The following SSBP3 variants were observed in gnomAD, a reference collection of about 807,000 sequenced individuals.
SSBP3 encodes the protein single stranded DNA binding protein 3, also known as single-stranded DNA-binding protein 3.
Under a neutral mutation model 69.6 loss-of-function variants are expected in SSBP3, and 5 were observed. The observed-to-expected ratio is 0.07, with a 90% CI of 0.04 to 0.15. SSBP3 has a LOEUF of 0.15. Ranked by LOEUF, SSBP3 falls within the 10% of genes least tolerant of loss-of-function variation. SSBP3 has a pLI of 1.00. For synonymous variants in SSBP3, 196 were observed against 193.4 expected (o/e 1.01, Z -0.11); for missense variants, 312 against 534.0 (o/e 0.58, Z 4.10).
Position 54,263,124 on chromosome 1 carries a change from C to T in SSBP3, c.367-4975G>A, listed in dbSNP as rs564609346. On this transcript the variant is annotated intron_variant, in intron 5 of 17. Transcript: ENST00000610401. Reference sequence around the variant, plus strand: ...GGGTGTGATCGAGGCAAACACTGGGCCACTTCACGAAAACTCCGAAGTGTG... The same window carrying T: ...GGGTGTGATCGAGGCAAACACTGGGTCACTTCACGAAAACTCCGAAGTGTG... Among the ~76,000 whole-genome samples, 36 of 152,316 alleles carry T rather than the reference C, an allele frequency of 2.4e-4. 1 individual carries two copies. The South Asian group carries it at 5.0e-3, about 21-fold the overall frequency.
chr1:54,233,920 G>A (rs1239910794), intron 14 of SSBP3, among the ~76,000 whole-genome samples: 1 of 152,226 alleles, frequency 6.6e-6, no homozygotes, highest in Non-Finnish European at 1.5e-5. Context: ...CGGGAAAGGT[G>A]GGGAAAAGAT....
rs547320093 is a variant in SSBP3 at position 54,405,001 on chromosome 1, T to C, written c.57-71A>G. 9.1e-4 allele frequency: 1,263 copies of C among 1,391,360 alleles called. 2 individuals carry two copies. The highest frequency in any genetic ancestry group is 1.2e-3 in the Non-Finnish European group (1,188 of 989,130). The allele number at this position is 1,391,360 out of a possible 1,614,324, so 86.2% of individuals were successfully genotyped here. A position where few individuals can be genotyped will look rare whatever the true frequency, so the allele number is the denominator to read the frequency against. On this transcript the variant is annotated intron_variant, in intron 1 of 17. Coordinates refer to ENST00000610401, the Ensembl canonical transcript of SSBP3. ...ATCCCACCGGCGCTCTCCAGGACCTTGCCAGCAGGCTTTGAGCCCTGTCTG... is the reference window on the plus strand; with the variant it reads ...ATCCCACCGGCGCTCTCCAGGACCTCGCCAGCAGGCTTTGAGCCCTGTCTG...
chr1:54,229,674 G>A lies in SSBP3; in HGVS notation c.928-848C>T, dbSNP rs183733826. Among the ~76,000 whole-genome samples the A allele has an allele frequency of 3.1e-3, 474 of 152,332 alleles. 2 individuals carry two copies. The highest frequency in any genetic ancestry group is 5.9e-3 in the Non-Finnish European group (403 of 68,026). On this transcript the variant is annotated intron_variant, in intron 14 of 17. Coordinates refer to ENST00000610401, the Ensembl canonical transcript of SSBP3. ...GTCACATCCCACAGCCACGAGTCAC[G>A]GGGCTGGGGAGGGGCGGCTGAGCCC... is the stretch of plus-strand genomic sequence containing the variant.
intron 4 of SSBP3, among the ~76,000 whole-genome samples, chr1:54,295,648 T>A (rs1645691097): frequency 6.6e-6 from 1 of 152,132 alleles, no homozygotes; most frequent in South Asian, 2.1e-4. Flanking sequence ...CAAGAGATTT[T>A]AAAAAAACAA....
chr1:54,230,946 G>C (rs955504683), intron 14 of SSBP3, among the ~76,000 whole-genome samples: 1 of 152,114 alleles, frequency 6.6e-6, no homozygotes, highest in Non-Finnish European at 1.5e-5. Context: ...TTCACTGTCT[G>C]ACTATTATGA....
intron 5 of SSBP3, among the ~76,000 whole-genome samples, chr1:54,273,238 C>T (rs577415368): frequency 9.2e-5 from 14 of 152,344 alleles, no homozygotes; most frequent in Admixed American, 2.6e-4. Context: ...GTGAGAGTTA[C>T]GGCGCTACAT....
chr1:54,300,590 T>C lies in SSBP3; in HGVS notation c.277-19063A>G, dbSNP rs905654905. ...AGGATCCCAAAGAAAGGAAGGATTA[T>C]TTCTGCCGGAGGGTGGGGCTTCACA... On this transcript the variant is annotated intron_variant, in intron 4 of 17. Transcript: ENST00000610401. Among the ~76,000 whole-genome samples the C allele has an allele frequency of 3.9e-5, 6 of 152,270 alleles. No individual in the cohort carries two copies. The East Asian group carries it at 1.2e-3, about 29-fold the overall frequency.
At chr1:54,352,459 G>T (rs944658656) in intron 4 of SSBP3, among the ~76,000 whole-genome samples, 3 of 152,100 alleles carry the variant, frequency 2.0e-5, no homozygotes, top group Non-Finnish European at 4.4e-5. Context: ...TGTCAGAAAC[G>T]GTCCCCACTG....
chr1:54,390,980 T>G (rs527405015), intron 4 of SSBP3, among the ~76,000 whole-genome samples: 1 of 152,364 alleles, frequency 6.6e-6, no homozygotes, highest in African/African-American at 2.4e-5. Flanking sequence ...CAGCACCGGC[T>G]GGATGGCCAA....
chr1:54,247,231 G>A (rs182245039), intron 9 of SSBP3, among the ~76,000 whole-genome samples: 1 of 152,374 alleles, frequency 6.6e-6, no homozygotes, highest in East Asian at 1.9e-4. Context: ...ACCTGGATCT[G>A]CTGGCCCCCA....
At chr1:54,270,873 G>A (rs559203381) in intron 5 of SSBP3, among the ~76,000 whole-genome samples, 2 of 152,238 alleles carry the variant, frequency 1.3e-5, no homozygotes, top group East Asian at 1.9e-4. Context: ...TGACTTTCTC[G>A]AGGAAACCCA....
At chr1:54,335,303 T>C (rs1448223109) in intron 4 of SSBP3, among the ~76,000 whole-genome samples, 2 of 152,224 alleles carry the variant, frequency 1.3e-5, no homozygotes, top group Non-Finnish European at 2.9e-5. Context: ...TTCTTCAACA[T>C]AAACAGAATC....
chr1:54,345,953 C>T (rs899219568), intron 4 of SSBP3, among the ~76,000 whole-genome samples: 3 of 150,924 alleles, frequency 2.0e-5, no homozygotes, highest in African/African-American at 7.3e-5. Context: ...ACCAGCCTGG[C>T]CAACATGGTG....
At chr1:54,348,315 G>A (rs1455458530) in intron 4 of SSBP3, among the ~76,000 whole-genome samples, 2 of 147,296 alleles carry the variant, frequency 1.4e-5, no homozygotes. Flanking sequence ...AGAGAAAAAG[G>A]AAAAGGTTCA....
rs1383415424 is a variant in SSBP3 at position 54,289,035 on chromosome 1, A to AC, written c.277-7509_277-7508insG. On this transcript the variant is annotated intron_variant, in intron 4 of 17. Transcript: ENST00000610401. ...ACTCTGTCTCCAAAAAAAAAAAAAA[A>AC]ACAAAAAAACAAAAAAAAAAAACAG... Among the ~76,000 whole-genome samples the AC allele has an allele frequency of 1.3e-3, 67 of 52,004 alleles. 2 individuals carry two copies. Among genetic ancestry groups the AC allele is most frequent in the African/African-American group, 8.4e-3 (61 of 7,236 alleles). The allele number at this position is 52,004 out of a possible 152,430, so 34.1% of individuals were successfully genotyped here.
At chr1:54,345,533 A>G (rs1320915443) in intron 4 of SSBP3, among the ~76,000 whole-genome samples, 1 of 152,214 alleles carries the variant, frequency 6.6e-6, no homozygotes, top group East Asian at 1.9e-4. Context: ...GTAATAGGGC[A>G]GAAAAGAAAA....
intron 15 of SSBP3, 119 bp downstream of exon 15, chr1:54,228,629 C>T: frequency 2.7e-6 from 4 of 1,475,076 alleles, no homozygotes; most frequent in Non-Finnish European, 3.7e-6. Flanking sequence ...TCAGGATCGT[C>T]CTGTGTGCCC....
chr1:54,241,509 T>G (rs143980431), exon 12 of SSBP3: 108 of 1,613,760 alleles, frequency 6.7e-5, no homozygotes, highest in Non-Finnish European at 8.8e-5. Context: ...GAGTATGGAA[T>G]CTAAAAACAA....
chr1:54,319,836 C>T (rs1387975875), intron 4 of SSBP3, among the ~76,000 whole-genome samples: 2 of 152,118 alleles, frequency 1.3e-5, no homozygotes, highest in Non-Finnish European at 2.9e-5. Context: ...CTTTTGTTGG[C>T]CTCTTCTCTT....
Sources: allele counts gnomAD v4.1 joint callset (sites outside exome capture counted in the v4.1 genomes callset), GRCh38; gene constraint gnomAD v4.1.1; transcripts MANE v1.5; gene names NCBI Gene and HGNC (gene_info 2026-07-23, HGNC 2026-07-21).